Variants in CDH8 observed in about 807,000 individuals in gnomAD.
CDH8 encodes cadherin 8.
A neutral mutation model predicts 68.1 loss-of-function variants in CDH8; 17 were observed. The ratio of observed to expected loss-of-function variants is 0.25; its 90% confidence interval spans 0.17 to 0.37. The LOEUF (loss-of-function observed/expected upper bound fraction) is 0.37, where lower values mean the gene tolerates loss of function less well. Among genes scored for constraint, CDH8 ranks in the 10% least tolerant of loss-of-function variants. The pLI is 1.00. For missense variants in CDH8, 763 were observed against 999.3 expected (o/e 0.76, Z 3.19); for synonymous variants, 372 against 365.1 (o/e 1.02, Z -0.21).
intron 2 of CDH8, among the ~76,000 whole-genome samples, chr16:61,931,323 A>G (rs1964536992): frequency 6.6e-6 from 1 of 152,038 alleles, no homozygotes; most frequent in Non-Finnish European, 1.5e-5. Flanking sequence ...ACAACCATGC[A>G]CAGCTAATTT....
chr16:61,965,473 C>G (rs1965231574), intron 2 of CDH8, among the ~76,000 whole-genome samples: 1 of 152,092 alleles, frequency 6.6e-6, no homozygotes, highest in African/African-American at 2.4e-5. Context: ...CTTTATGAAA[C>G]CCAAGGTTCA....
chr16:62,022,524 G>T (rs1902098916), intron 1 of CDH8, among the ~76,000 whole-genome samples: 1 of 152,092 alleles, frequency 6.6e-6, no homozygotes, highest in Non-Finnish European at 1.5e-5. Flanking sequence ...CCCTCAGCGT[G>T]GCAAAATGTG....
At position 61,710,154 on chromosome 16, in the gene CDH8, G is replaced by C. The variant is rs1964605497; in HGVS notation, c.1654+3687C>G. 2.0e-5 allele frequency among the ~76,000 whole-genome samples: 3 copies of C among 152,172 alleles called. No individual in the cohort carries two copies. In the Middle Eastern group the frequency reaches 0.01, roughly 518 times the overall value. On this transcript the variant is annotated intron_variant, in intron 10 of 11. Coordinates refer to ENST00000577390, the MANE Select transcript of CDH8 (RefSeq NM_001796.5). Reference sequence around the variant, plus strand: ...TGTGCCAATTGATGTCTAAGTCCTAGTTCACACATATCCATCACAGCACAA... The same window carrying C: ...TGTGCCAATTGATGTCTAAGTCCTACTTCACACATATCCATCACAGCACAA...
At chr16:61,708,653 G>C (rs961700636) in intron 10 of CDH8, among the ~76,000 whole-genome samples, 1 of 152,166 alleles carries the variant, frequency 6.6e-6, no homozygotes, top group African/African-American at 2.4e-5. Context: ...CTTGCACATC[G>C]CCCTTAATTA....
rs923665120 is a variant in CDH8, at chr16:61,649,107, T to C, written c.*4501A>G. The C allele has an allele frequency of 1.3e-5, 2 of 151,994 alleles. No individual in the cohort carries two copies. The highest frequency in any genetic ancestry group is 3.9e-4 in the East Asian group (2 of 5,178). 9.4% of individuals were successfully genotyped at this position (151,994 alleles called of 1,614,324 possible). On this transcript the variant is annotated 3_prime_UTR_variant, in exon 12 of 12. Transcript: ENST00000577390. The stretch of plus-strand genomic sequence containing the variant: ...AATTGAAAAAATATAGAAAAGTATT[T>C]CCTGCAAAGTATATTCTACAATTAT...
At chr16:61,872,708 T>A (rs1367040436) in intron 3 of CDH8, among the ~76,000 whole-genome samples, 2 of 152,126 alleles carry the variant, frequency 1.3e-5, no homozygotes, top group African/African-American at 4.8e-5. Flanking sequence ...CCTAAACTAG[T>A]GTTTTCAGGT....
chr16:61,839,472 C>T (rs1015919073), intron 4 of CDH8, among the ~76,000 whole-genome samples: 38 of 152,268 alleles, frequency 2.5e-4, no homozygotes, highest in African/African-American at 7.5e-4. Context: ...TTCTAGGTTT[C>T]CATTTCAATT....
intron 9 of CDH8, among the ~76,000 whole-genome samples, chr16:61,723,633 T>G (rs4783763): frequency 0.68 from 101,516 of 150,390 alleles, 34,415 homozygotes; most frequent in South Asian, 0.68. Context: ...ATTGGGGTGT[T>G]GTATACTACT....
chr16:61,956,611 A>C (rs914694577), intron 2 of CDH8, among the ~76,000 whole-genome samples: 1 of 152,212 alleles, frequency 6.6e-6, no homozygotes, highest in African/African-American at 2.4e-5. Context: ...CAAGTCCCTG[A>C]ACAGTATTTT....
chr16:61,715,298 A>G (rs111308836), intron 9 of CDH8, among the ~76,000 whole-genome samples: 2,006 of 151,746 alleles, frequency 0.013, 42 homozygotes, highest in African/African-American at 0.045. Flanking sequence ...ACAGTGAGAT[A>G]GTCATCAAGA....
At chr16:61,768,239 A>G (rs1177686460) in intron 8 of CDH8, among the ~76,000 whole-genome samples, 1 of 150,062 alleles carries the variant, frequency 6.7e-6, no homozygotes, top group Non-Finnish European at 1.5e-5. Context: ...TGGCCTTATA[A>G]TTGATAATCT....
In CDH8 at chr16:61,712,344, A is replaced by G. The variant is rs553466138; in HGVS notation, c.1654+1497T>C. 1.1e-3 allele frequency among the ~76,000 whole-genome samples: 161 copies of G among 151,844 alleles called. 1 individual carries two copies. Among genetic ancestry groups the G allele is most frequent in the Non-Finnish European group, 1.8e-3 (122 of 67,714 alleles). On this transcript the variant is annotated intron_variant, in intron 10 of 11. Coordinates refer to ENST00000577390, the MANE Select transcript of CDH8 (RefSeq NM_001796.5). Reference sequence around the variant, plus strand: ...ATGTGATGCCTTCTAGAGCCACACAAGAAGTGTATCTTGAAATTACAAAAT... The same window carrying G: ...ATGTGATGCCTTCTAGAGCCACACAGGAAGTGTATCTTGAAATTACAAAAT...
intron 5 of CDH8, among the ~76,000 whole-genome samples, chr16:61,822,265 T>A (rs1172045260): frequency 7.5e-6 from 1 of 133,126 alleles, no homozygotes; most frequent in African/African-American, 2.8e-5. Context: ...TCTCTCTGTC[T>A]CTCTCTCTCC....
intron 10 of CDH8, among the ~76,000 whole-genome samples, chr16:61,664,876 C>A (rs1405635769): frequency 6.6e-6 from 1 of 151,962 alleles, no homozygotes; most frequent in Non-Finnish European, 1.5e-5. Context: ...GGAGAAATTT[C>A]TTCTTTGATT....
chr16:61,747,855 T>C (rs1179590281), intron 8 of CDH8, among the ~76,000 whole-genome samples: 4 of 152,130 alleles, frequency 2.6e-5, no homozygotes, highest in Non-Finnish European at 5.9e-5. Context: ...GAATTTCTGC[T>C]GTTGCAGACA....
chr16:61,864,098 G>C (rs1963205833), intron 3 of CDH8, among the ~76,000 whole-genome samples: 1 of 152,146 alleles, frequency 6.6e-6, no homozygotes. Flanking sequence ...CATAAGGCCT[G>C]CATTACTTGT....
intron 2 of CDH8, among the ~76,000 whole-genome samples, chr16:61,928,470 G>A (rs1964489312): frequency 6.6e-6 from 1 of 152,126 alleles, no homozygotes; most frequent in African/African-American, 2.4e-5. Flanking sequence ...CTGGGTAACT[G>A]CATCTATCAT....
intron 8 of CDH8, among the ~76,000 whole-genome samples, chr16:61,774,459 G>GAAAAAA (rs11318433): frequency 1.6e-5 from 2 of 123,218 alleles, no homozygotes; most frequent in South Asian, 2.7e-4. Context: ...ATCACTCAGG[G>GAAAAAA]AAAAAAAAAA....
intron 7 of CDH8, among the ~76,000 whole-genome samples, chr16:61,809,235 G>A (rs566677253): frequency 3.4e-4 from 52 of 152,084 alleles, no homozygotes; most frequent in African/African-American, 1.2e-3. Flanking sequence ...GTAACAGGCC[G>A]TATTTGGCCC....
Sources: allele counts gnomAD v4.1 joint callset (sites outside exome capture counted in the v4.1 genomes callset), GRCh38; gene constraint gnomAD v4.1.1; transcripts MANE v1.5; gene names NCBI Gene and HGNC (gene_info 2026-07-23, HGNC 2026-07-21).